The following SUCLG2 variants were observed in gnomAD, a reference collection of about 807,000 sequenced individuals.
SUCLG2 encodes succinate--CoA ligase [GDP-forming] subunit beta, mitochondrial.
In SUCLG2, 42 loss-of-function variants were observed where a neutral mutation model predicts 47.9. That is an observed-to-expected ratio of 0.88 (90% confidence interval 0.69 to 1.14). SUCLG2 has a LOEUF of 1.14. Among genes scored for constraint, SUCLG2 ranks in the 50% most tolerant of loss-of-function variants. The pLI, the probability that SUCLG2 is intolerant of heterozygous loss-of-function variation, is 0.00. For synonymous variants in SUCLG2, 195 were observed against 197.3 expected (o/e 0.99, Z 0.10); for missense variants, 571 against 525.9 (o/e 1.09, Z -0.84).
rs369542916 is a variant in SUCLG2, at chr3:67,510,889, CTTTTTTTTTTTT to C, written c.661-1998_661-1987del. On this transcript the variant is annotated intron_variant, in intron 6 of 10. Transcript: ENST00000307227. ...CATCAAAAGGTTCTGTTAAATTGTT[CTTTTTTTTTTTT>C]TTTTTTTTGAGACCGAGACTTGCAG... Among the ~76,000 whole-genome samples, 43 of 124,130 alleles carry C rather than the reference CTTTTTTTTTTTT, an allele frequency of 3.5e-4. No homozygotes were observed. The South Asian group carries it at 0.011, about 31-fold the overall frequency. 81.4% of individuals were successfully genotyped at this position (124,130 alleles called of 152,430 possible).
In SUCLG2 at chr3:67,471,745, G is replaced by C. The variant is rs114438594; in HGVS notation, c.1062+24053C>G. ...TCAGCCAGGTCCTGAGGGTAGCAGAGAACGGACAACATGGCTGGGCTCTGG... is the reference window on the plus strand; with the variant it reads ...TCAGCCAGGTCCTGAGGGTAGCAGACAACGGACAACATGGCTGGGCTCTGG... On this transcript the variant is annotated intron_variant, in intron 9 of 10. Transcript: ENST00000307227. Among the ~76,000 whole-genome samples, 120 of 152,146 alleles carry C rather than the reference G, an allele frequency of 7.9e-4. 2 individuals are homozygous for C. Among genetic ancestry groups the C allele is most frequent in the Non-Finnish European group, 1.8e-4 (12 of 68,022 alleles).
chr3:67,645,222 T>A (rs759384945), intron 1 of SUCLG2, among the ~76,000 whole-genome samples: 1 of 152,178 alleles, frequency 6.6e-6, no homozygotes, highest in Non-Finnish European at 1.5e-5. Flanking sequence ...TTATATTTTA[T>A]ACAAAATATA....
chr3:67,651,319 T>C (rs1701281213), intron 1 of SUCLG2, among the ~76,000 whole-genome samples: 2 of 152,198 alleles, frequency 1.3e-5, no homozygotes, highest in African/African-American at 4.8e-5. Flanking sequence ...CCTAGTCTAC[T>C]ACCACTTTCC....
intron 9 of SUCLG2, among the ~76,000 whole-genome samples, chr3:67,479,171 C>G (rs1418363516): frequency 6.6e-6 from 1 of 152,002 alleles, no homozygotes; most frequent in Non-Finnish European, 1.5e-5. Flanking sequence ...ATTCAAATCT[C>G]AATTCCCAAA....
At chr3:67,567,113 G>A (rs914219991) in intron 2 of SUCLG2, among the ~76,000 whole-genome samples, 2 of 152,024 alleles carry the variant, frequency 1.3e-5, no homozygotes, top group Non-Finnish European at 2.9e-5. Flanking sequence ...GAGCCTGGGA[G>A]GCAGAAGTTG....
chr3:67,650,257 C>A (rs187148336), intron 1 of SUCLG2, among the ~76,000 whole-genome samples: 22 of 152,354 alleles, frequency 1.4e-4, no homozygotes, highest in African/African-American at 5.0e-4. Context: ...TTGCCCATAA[C>A]CTTTAGTCCT....
chr3:67,549,307 G>C (rs774375676), intron 2 of SUCLG2, among the ~76,000 whole-genome samples: 17 of 152,176 alleles, frequency 1.1e-4, no homozygotes, highest in Non-Finnish European at 2.2e-4. Flanking sequence ...GCTTTTCTAC[G>C]CTATCAATGT....
At chr3:67,455,726 A>G (rs9814762) in intron 9 of SUCLG2, among the ~76,000 whole-genome samples, 9,864 of 152,210 alleles carry the variant, frequency 0.065, 526 homozygotes, top group African/African-American at 0.15. Flanking sequence ...TTCTTAGGGA[A>G]TATGGCAGAG....
intron 10 of SUCLG2, among the ~76,000 whole-genome samples, chr3:67,399,293 T>C (rs1702629896): frequency 6.6e-6 from 1 of 152,214 alleles, no homozygotes; most frequent in Admixed American, 6.5e-5. Context: ...CTGCAGCATC[T>C]TGAACTGTTC....
At chr3:67,581,391 A>G (rs185903488) in intron 2 of SUCLG2, among the ~76,000 whole-genome samples, 1 of 152,346 alleles carries the variant, frequency 6.6e-6, no homozygotes, top group East Asian at 1.9e-4. Flanking sequence ...TTTGTTTGTC[A>G]AAAGGACTGG....
intron 10 of SUCLG2, among the ~76,000 whole-genome samples, chr3:67,361,464 T>G (rs935593807): frequency 6.6e-6 from 1 of 152,178 alleles, no homozygotes; most frequent in South Asian, 2.1e-4. Flanking sequence ...GGAATACAAC[T>G]GCAGCCTGTA....
At chr3:67,609,328 TA>T in intron 2 of SUCLG2, 126 bp downstream of exon 2, 1 of 1,144,416 alleles carries the variant, frequency 8.7e-7, no homozygotes, top group Non-Finnish European at 1.2e-6. Context: ...TTTGCAGTTC[TA>T]AGCTCTCCCC....
chr3:67,426,153 T>C (rs4515060), intron 9 of SUCLG2, among the ~76,000 whole-genome samples: 121,252 of 152,092 alleles, frequency 0.8, 48,558 homozygotes, highest in Admixed American at 0.88. Context: ...TTTTAAAATG[T>C]TTGCTTTTTC....
At chr3:67,377,487 C>T (rs1575655937) in intron 10 of SUCLG2, among the ~76,000 whole-genome samples, 1 of 152,194 alleles carries the variant, frequency 6.6e-6, no homozygotes, top group East Asian at 1.9e-4. Context: ...CCCAGGCCCC[C>T]CTGCATCTCG....
At chr3:67,640,186 C>A (rs548942710) in intron 1 of SUCLG2, among the ~76,000 whole-genome samples, 1 of 152,318 alleles carries the variant, frequency 6.6e-6, no homozygotes, top group East Asian at 1.9e-4. Context: ...CTATGTGACT[C>A]ACTGGTATTG....
chr3:67,384,379 C>T (rs1188211664), intron 10 of SUCLG2, among the ~76,000 whole-genome samples: 2 of 152,178 alleles, frequency 1.3e-5, no homozygotes, highest in African/African-American at 4.8e-5. Flanking sequence ...AAATCTGTTC[C>T]ACTATCTGTT....
intron 4 of SUCLG2, among the ~76,000 whole-genome samples, chr3:67,527,753 G>C (rs1706292936): frequency 6.6e-6 from 1 of 152,136 alleles, no homozygotes; most frequent in Non-Finnish European, 1.5e-5. Context: ...AGGTAATTCT[G>C]ACAGACACGC....
downstream of SUCLG2, among the ~76,000 whole-genome samples, chr3:67,370,534 C>G (rs376072816): frequency 2.6e-5 from 4 of 152,200 alleles, no homozygotes; most frequent in Admixed American, 6.5e-5. Flanking sequence ...ATACAGGAAT[C>G]CCCCCTTACC....
At chr3:67,395,370 A>C (rs1702499748) in intron 10 of SUCLG2, among the ~76,000 whole-genome samples, 1 of 152,228 alleles carries the variant, frequency 6.6e-6, no homozygotes. Context: ...AGGGGTTGCA[A>C]TCCTAGTCTC....
Sources: allele counts gnomAD v4.1 joint callset (sites outside exome capture counted in the v4.1 genomes callset), GRCh38; gene constraint gnomAD v4.1.1; transcripts MANE v1.5; gene names NCBI Gene and HGNC (gene_info 2026-07-23, HGNC 2026-07-21).